Variants in INTS4 observed in about 807,000 individuals in gnomAD.
The protein encoded by INTS4 is integrator complex subunit 4, also known as MSTP093.
In INTS4, 70 loss-of-function variants were observed where a neutral mutation model predicts 119.5. That is an observed-to-expected ratio of 0.59 (90% confidence interval 0.48 to 0.71). The LOEUF (loss-of-function observed/expected upper bound fraction) is 0.71. Among genes scored for constraint, INTS4 ranks in the 30% least tolerant of loss-of-function variants. INTS4 has a pLI of 0.00. For missense variants in INTS4, 867 were observed against 1,173.2 expected (o/e 0.74, Z 3.81); for synonymous variants, 316 against 419.6 (o/e 0.75, Z 3.02).
chr11:77,948,079 G>A (rs373494074), intron 8 of INTS4, among the ~76,000 whole-genome samples: 3 of 152,070 alleles, frequency 2.0e-5, no homozygotes, highest in South Asian at 4.2e-4. Context: ...AAACTCATGA[G>A]CTCAAGTGAT....
intron 21 of INTS4, among the ~76,000 whole-genome samples, chr11:77,890,174 C>T (rs936691490): frequency 1.3e-5 from 2 of 152,182 alleles, no homozygotes; most frequent in African/African-American, 4.8e-5. Flanking sequence ...ACAAAACACT[C>T]CAATATGCAA....
chr11:77,979,927 G>A (rs570107523), intron 3 of INTS4, among the ~76,000 whole-genome samples: 57 of 144,076 alleles, frequency 4.0e-4, no homozygotes, highest in South Asian at 8.7e-4. Context: ...GCAGTGAGCC[G>A]AGATCGCTCC....
intron 16 of INTS4, among the ~76,000 whole-genome samples, chr11:77,904,962 T>C (rs999039222): frequency 6.6e-6 from 1 of 152,152 alleles, no homozygotes; most frequent in African/African-American, 2.4e-5. Context: ...TGGACCTAAT[T>C]TTAGATATCA....
chr11:77,951,389 T>C (rs1555035498), intron 8 of INTS4, among the ~76,000 whole-genome samples: 1 of 152,022 alleles, frequency 6.6e-6, no homozygotes, highest in African/African-American at 2.4e-5. Context: ...CTTTGACAAA[T>C]CTGACAAAAA....
At position 77,901,452 on chromosome 11, in the gene INTS4, G is replaced by T. The variant is rs1456712760; in HGVS notation, c.2197C>A (p.Gln733Lys). The change falls in exon 18 of 23, where the codon CAA becomes AAA. Residue 733 changes from glutamine to lysine, a missense_variant. Gln to Lys is a moderately conservative substitution (Grantham distance 53). Coordinates refer to ENST00000534064, the MANE Select transcript of INTS4 (RefSeq NM_033547.4). ...HHMRLQAKALQLIVTARTTRG... is the reference protein window; with the variant it reads ...HHMRLQAKALKLIVTARTTRG... ...GTAGTTCGTGCTGTTACTATAAGTT[G>T]CAAAGCTTTGGCCTGCAGCCTCATG... 3 of 1,613,902 alleles carry T rather than the reference G, an allele frequency of 1.9e-6. No individual in the cohort carries two copies. Among genetic ancestry groups the T allele is most frequent in the Non-Finnish European group, 2.5e-6 (3 of 1,179,834 alleles).
intron 8 of INTS4, among the ~76,000 whole-genome samples, chr11:77,943,123 T>C (rs1953967611): frequency 1.3e-5 from 2 of 152,206 alleles, no homozygotes; most frequent in East Asian, 3.8e-4. Flanking sequence ...AAAATTTTCA[T>C]GACTTCACAG....
intron 15 of INTS4, among the ~76,000 whole-genome samples, chr11:77,916,766 A>G (rs927343183): frequency 6.6e-6 from 1 of 152,176 alleles, no homozygotes; most frequent in African/African-American, 2.4e-5. Context: ...CCTCACCACC[A>G]CTACCGTGAT....
intron 9 of INTS4, among the ~76,000 whole-genome samples, chr11:77,939,774 G>A (rs1255511783): frequency 6.6e-6 from 1 of 151,900 alleles, no homozygotes; most frequent in Non-Finnish European, 1.5e-5. Flanking sequence ...GAGCCCGGGA[G>A]GCAGAGGTTG....
intron 16 of INTS4, among the ~76,000 whole-genome samples, chr11:77,904,036 T>C (rs1952863713): frequency 6.6e-6 from 1 of 152,240 alleles, no homozygotes; most frequent in African/African-American, 2.4e-5. Flanking sequence ...GCTCATTATG[T>C]TGTAAGCCCC....
intron 12 of INTS4, 72 bp downstream of exon 12, chr11:77,924,678 G>C (rs1188275093): frequency 5.6e-6 from 8 of 1,426,538 alleles, no homozygotes; most frequent in Non-Finnish European, 7.8e-6. Context: ...CTATAAGGAC[G>C]GAACAAATGT....
At chr11:77,952,476 AAAG>A (rs1219815800) in intron 8 of INTS4, among the ~76,000 whole-genome samples, 3 of 152,170 alleles carry the variant, frequency 2.0e-5, no homozygotes, top group African/African-American at 7.2e-5. Context: ...GCTTGTATAT[AAAG>A]AAGTGGGTTA....
rs1954310855 is a variant in INTS4 at position 77,955,955 on chromosome 11, G to A, written c.905C>T (p.Ala302Val). The change falls in exon 8 of 23, where the codon GCA becomes GTA. Residue 302 changes from alanine to valine, a missense_variant. Around this residue, in one of 5 missense-constraint regions of INTS4, gnomAD observed 208 missense variants for 306.6 expected, o/e 0.68. Coordinates refer to ENST00000534064, the MANE Select transcript of INTS4 (RefSeq NM_033547.4). ...AGTATAACTTACCAACAGTTTTGCT[G>A]CCTGAACACGAACCACCCAAGAGCC... is the stretch of plus-strand genomic sequence containing the variant. Reference protein sequence around the residue: ...SDGSWVVRVQAAKLLGSMEQV... With the variant: ...SDGSWVVRVQVAKLLGSMEQV... The A allele has an allele frequency of 6.2e-7, 1 of 1,610,182 alleles. No homozygotes were observed. The highest frequency in any genetic ancestry group is 8.5e-7 in the Non-Finnish European group (1 of 1,178,914).
At chr11:77,960,254 A>T in intron 6 of INTS4, 87 bp downstream of exon 6, 1 of 897,530 alleles carries the variant, frequency 1.1e-6, no homozygotes, top group Non-Finnish European at 1.8e-6. Flanking sequence ...CGAAGTCCTT[A>T]CGTTTTCAAA....
Position 77,894,361 on chromosome 11 carries a change from A to G in INTS4, c.2229-12T>C, listed in dbSNP as rs1023094398. On this transcript the variant is annotated splice_polypyrimidine_tract_variant and intron_variant, in intron 18 of 22. Transcript: ENST00000534064. ...ATAAGGGGTCAAGTCTGTAGAAAAGAAATGTAAAATAATTTGCTTGTGAAA... is the reference window on the plus strand; with the variant it reads ...ATAAGGGGTCAAGTCTGTAGAAAAGGAATGTAAAATAATTTGCTTGTGAAA... The G allele has an allele frequency of 1.1e-5, 16 of 1,492,684 alleles. No individual in the cohort carries two copies. The highest frequency in any genetic ancestry group is 1.5e-5 in the Non-Finnish European group (16 of 1,087,128). 92.5% of individuals were successfully genotyped at this position (1,492,684 alleles called of 1,614,324 possible).
chr11:77,938,539 C>T lies in INTS4; in HGVS notation c.1165+112G>A, dbSNP rs1163308875. The T allele has an allele frequency of 5.0e-6, 7 of 1,412,674 alleles. No individual in the cohort carries two copies. The Admixed American group carries it at 7.3e-5, about 15-fold the overall frequency. The allele number at this position is 1,412,674 out of a possible 1,614,324, so 87.5% of individuals were successfully genotyped here. On this transcript the variant is annotated intron_variant, in intron 10 of 22. Coordinates refer to ENST00000534064, the MANE Select transcript of INTS4 (RefSeq NM_033547.4). ...AAATAAAAAGCATAGTAAGTACTTC[C>T]CAGAGTTACTGTGAGGACTAAATGA...
chr11:77,953,272 A>C (rs1954238874), intron 8 of INTS4, among the ~76,000 whole-genome samples: 2 of 152,214 alleles, frequency 1.3e-5, no homozygotes, highest in Admixed American at 1.3e-4. Context: ...TCCAAAAAGA[A>C]TCACAGATTT....
At chr11:77,940,070 C>A (rs917462214) in intron 9 of INTS4, among the ~76,000 whole-genome samples, 4 of 152,006 alleles carry the variant, frequency 2.6e-5, no homozygotes, top group African/African-American at 9.7e-5. Flanking sequence ...TTTTCTCAGA[C>A]TCAAATTTGG....
chr11:77,922,955 T>C (rs1953399000), intron 12 of INTS4: 2 of 196,014 alleles, frequency 1.0e-5, no homozygotes, highest in Non-Finnish European at 2.1e-5. Flanking sequence ...AAAAGAGCAA[T>C]GCATGAAAGG....
At chr11:77,960,852 A>T in intron 5 of INTS4, 101 bp downstream of exon 5, 2 of 1,057,140 alleles carry the variant, frequency 1.9e-6, no homozygotes, top group South Asian at 1.8e-5. Context: ...TCCTGAAAGT[A>T]TATGCTGAAG....
Sources: allele counts gnomAD v4.1 joint callset (sites outside exome capture counted in the v4.1 genomes callset), GRCh38; gene constraint gnomAD v4.1.1; regional missense constraint gnomAD v4.1.1; transcripts MANE v1.5; gene names NCBI Gene and HGNC (gene_info 2026-07-23, HGNC 2026-07-21).